Variants in CSTF2 observed in about 807,000 individuals in gnomAD.
The protein encoded by CSTF2 is cleavage stimulation factor subunit 2.
CSTF2 carries 8 observed loss-of-function variants against 45.4 expected under a neutral mutation model. That is an observed-to-expected ratio of 0.18 (90% CI 0.10 to 0.32). The LOEUF is 0.32. Among genes scored for constraint, CSTF2 ranks in the 10% least tolerant of loss-of-function variants. The pLI, the probability that CSTF2 is intolerant of heterozygous loss-of-function variation, is 1.00. For synonymous variants in CSTF2, 155 were observed against 158.9 expected, an observed-to-expected ratio of 0.98 and a Z score of 0.18; for missense variants, 253 against 477.1, an observed-to-expected ratio of 0.53 and a Z score of 4.38.
chrX:100,838,160 TG>T (rs768314825), intron 12 of CSTF2, 78 bp from the exon 13 acceptor site: 96 of 980,639 alleles, frequency 9.8e-5, no homozygotes, highest in Middle Eastern at 4.1e-4. Context: ...CAGAAGCTGG[TG>T]GTGGGTTTTT....
chrX:100,820,964 A>G (rs915542004), intron 1 of CSTF2, among the ~76,000 whole-genome samples: 4 of 112,585 alleles, frequency 3.6e-5, no homozygotes, highest in Non-Finnish European at 5.6e-5. Flanking sequence ...GAATGAATGA[A>G]CTATTAAGAT....
rs371539978 is a variant in CSTF2, at chrX:100,821,951, G to A, written c.138-300G>A. ...TCTACTAAAAATACAAAAATTAGCC[G>A]CCGTGGTGGCCCATGCCTGTAGTCC... On this transcript the variant is annotated intron_variant, in intron 2 of 13. Transcript: ENST00000372972. Among the ~76,000 whole-genome samples the A allele has an allele frequency of 2.7e-4, 30 of 110,171 alleles. No individual in the cohort carries two copies. The South Asian group carries it at 9.1e-3, about 33-fold the overall frequency.
intron 6 of CSTF2, among the ~76,000 whole-genome samples, chrX:100,826,208 A>T (rs938514689): frequency 9.1e-5 from 10 of 110,370 alleles, no homozygotes; most frequent in Middle Eastern, 4.8e-3. Flanking sequence ...TAAAAAAAAA[A>T]TTTAATTTTA....
chrX:100,835,674 A>T (rs1246434866), intron 11 of CSTF2, among the ~76,000 whole-genome samples: 1 of 110,618 alleles, frequency 9.0e-6, no homozygotes, highest in African/African-American at 3.3e-5. Context: ...GTGATTATAT[A>T]ATTTATCATC....
At position 100,837,425 on chromosome X, in the gene CSTF2, A is replaced by G. The variant is rs759352423; in HGVS notation, c.1587A>G (p.Gln529=). 5.0e-6 allele frequency: 6 copies of G among 1,203,173 alleles called. No homozygotes were observed. Among genetic ancestry groups the G allele is most frequent in the East Asian group, 3.0e-5 (1 of 33,661 alleles). ...GCGGCTTTAGTCCCGGGCAGAACCAAGTCACTCCACAGGATCATGAGAAGG... is the reference window on the plus strand; with the variant it reads ...GCGGCTTTAGTCCCGGGCAGAACCAGGTCACTCCACAGGATCATGAGAAGG... ...QPGGFSPGQN[Q]VTPQDHEKAA... is the part of the protein sequence containing the mutation. Residue 529 remains glutamine, a synonymous_variant, in exon 12 of 14, where the codon CAA becomes CAG. Transcript: ENST00000372972.
In CSTF2 at chrX:100,825,057, G is replaced by A. The variant is rs372025536; in HGVS notation, c.702+800G>A. Among the ~76,000 whole-genome samples the A allele has an allele frequency of 9.8e-5, 11 of 112,360 alleles. No homozygotes were observed. In the East Asian group the frequency reaches 2.5e-3, roughly 25 times the overall value. On this transcript the variant is annotated intron_variant, in intron 6 of 13. Coordinates refer to ENST00000372972, the MANE Select transcript of CSTF2 (RefSeq NM_001325.3). ...ACTAAGTGAATATGGATGCATTCCC[G>A]AAATGTAGGATATATGTTTCTGCAT...
chrX:100,824,247 C>G lies in CSTF2; in HGVS notation c.692C>G (p.Ala231Gly). The change falls in exon 6 of 14, where the codon GCC becomes GGC. Residue 231 changes from alanine to glycine, a missense_variant. Physicochemically the swap from Ala to Gly is moderately conservative, Grantham distance 60. This residue lies in a region of CSTF2 where 200 missense variants were observed against 294.0 expected (regional missense o/e 0.68). Coordinates refer to ENST00000372972, the MANE Select transcript of CSTF2 (RefSeq NM_001325.3). The part of the protein sequence containing the change: ...MNQQNPQAPQ[A>G]QSLGGMHVNG... ...CAGCAGAATCCTCAGGCCCCTCAGG[C>G]CCAGTCTTTGGTAGGGCTTTATCCC... The G allele has an allele frequency of 8.3e-7, 1 of 1,207,665 alleles. No individual in the cohort carries two copies. Among genetic ancestry groups the G allele is most frequent in the Non-Finnish European group, 1.1e-6 (1 of 893,862 alleles).
At chrX:100,828,659 C>T (rs773896045) in intron 8 of CSTF2, among the ~76,000 whole-genome samples, 1 of 112,195 alleles carries the variant, frequency 8.9e-6, no homozygotes, top group Non-Finnish European at 1.9e-5. Flanking sequence ...CTATATACAA[C>T]AGTAGCTGCT....
At chrX:100,838,102 C>A in intron 12 of CSTF2, 137 bp from the exon 13 acceptor site, 1 of 555,010 alleles carries the variant, frequency 1.8e-6, no homozygotes, top group Non-Finnish European at 2.6e-6. Flanking sequence ...GTGAAATGTT[C>A]TTCCTTTTTC....
chrX:100,825,121 T>C (rs901479354), intron 6 of CSTF2, among the ~76,000 whole-genome samples: 15 of 112,027 alleles, frequency 1.3e-4, no homozygotes, highest in African/African-American at 4.9e-4. Flanking sequence ...CAAAATAATA[T>C]ATTGAGTATG....
chrX:100,825,904 A>G (rs1021723208), intron 6 of CSTF2, among the ~76,000 whole-genome samples: 8 of 112,156 alleles, frequency 7.1e-5, no homozygotes, highest in African/African-American at 2.3e-4. Context: ...ATCTGACCTC[A>G]CAGCCAGTTT....
intron 6 of CSTF2, among the ~76,000 whole-genome samples, chrX:100,825,820 A>G (rs2084941043): frequency 9.0e-6 from 1 of 111,595 alleles, no homozygotes; most frequent in Non-Finnish European, 1.9e-5. Flanking sequence ...AAAAAAAGCT[A>G]AGGCCCAGAG....
intron 11 of CSTF2, among the ~76,000 whole-genome samples, chrX:100,837,052 C>G (rs953099276): frequency 2.4e-4 from 27 of 112,000 alleles, no homozygotes; most frequent in Non-Finnish European, 3.6e-4. Flanking sequence ...TTTCACTGTG[C>G]TTATTTGGCT....
chrX:100,832,310 A>G (rs760768343), intron 9 of CSTF2, among the ~76,000 whole-genome samples: 34 of 112,327 alleles, frequency 3.0e-4, no homozygotes, highest in Non-Finnish European at 5.4e-4. Context: ...CTTTACTTAG[A>G]TCATCTTATT....
chrX:100,833,290 A>T lies in CSTF2; in HGVS notation c.1318A>T (p.Met440Leu). 1 of 1,210,157 alleles carries T rather than the reference A, an allele frequency of 8.3e-7. No individual in the cohort carries two copies. The highest frequency in any genetic ancestry group is 1.1e-6 in the Non-Finnish European group (1 of 894,886). Residue 440 changes from methionine to leucine, a missense_variant, in exon 11 of 14, where the codon ATG (methionine) becomes TTG (leucine). By Grantham distance (15) the Met-to-Leu change is conservative. Around this residue, in one of 3 missense-constraint regions of CSTF2, gnomAD observed 200 missense variants for 294.0 expected, o/e 0.68. Coordinates refer to ENST00000372972, the MANE Select transcript of CSTF2 (RefSeq NM_001325.3). ...LEARAMEARAMEARAMEARAM... is the reference protein window; with the variant it reads ...LEARAMEARALEARAMEARAM... ...GGCCCGTGCAATGGAGGCCCGTGCG[A>T]TGGAAGCTCGTGCAATGGAGGCCCG...
chrX:100,823,569 TA>T (rs2084929730), intron 4 of CSTF2, 141 bp downstream of exon 4: 2 of 654,252 alleles, frequency 3.1e-6, no homozygotes, highest in Non-Finnish European at 4.5e-6. Flanking sequence ...ATGTACACAG[TA>T]TATTTTACAT....
At position 100,833,307 on chromosome X, in the gene CSTF2, G is replaced by A. The variant is rs1469130967; in HGVS notation, c.1335G>A (p.Met445Ile). The change falls in exon 11 of 14, where the codon ATG becomes ATA. Residue 445 changes from methionine to isoleucine, a missense_variant. Physicochemically the swap from Met to Ile is conservative, Grantham distance 10. Coordinates refer to ENST00000372972, the MANE Select transcript of CSTF2 (RefSeq NM_001325.3). ...CCCGTGCGATGGAAGCTCGTGCAAT[G>A]GAGGCCCGAGCGATGGAGGCCCGTG... ...MEARAMEARA[M>I]EARAMEARAM... 1.7e-6 allele frequency: 2 copies of A among 1,209,363 alleles called. No homozygotes were observed. Among genetic ancestry groups the A allele is most frequent in the Non-Finnish European group, 2.2e-6 (2 of 894,542 alleles).
At chrX:100,835,370 C>T (rs1017727071) in intron 11 of CSTF2, among the ~76,000 whole-genome samples, 26 of 109,722 alleles carry the variant, frequency 2.4e-4, no homozygotes, top group Non-Finnish European at 4.9e-4. Flanking sequence ...GTTGGAGGCC[C>T]GCCTACACAA....
At chrX:100,825,047 A>G (rs2084937110) in intron 6 of CSTF2, among the ~76,000 whole-genome samples, 1 of 112,729 alleles carries the variant, frequency 8.9e-6, no homozygotes, top group African/African-American at 3.2e-5. Context: ...GTGAATATGG[A>G]TGCATTCCCG....
Sources: allele counts gnomAD v4.1 joint callset (sites outside exome capture counted in the v4.1 genomes callset), GRCh38; gene constraint gnomAD v4.1.1; regional missense constraint gnomAD v4.1.1; transcripts MANE v1.5; gene names NCBI Gene and HGNC (gene_info 2026-07-23, HGNC 2026-07-21).